Variants in UBN2 observed in about 807,000 individuals in gnomAD.
UBN2 encodes ubinuclein-2.
Under a neutral mutation model 120.2 loss-of-function variants are expected in UBN2, and 35 were observed. The observed-to-expected ratio is 0.29, with a 90% confidence interval of 0.22 to 0.39. The LOEUF is 0.39. Among genes scored for constraint, UBN2 ranks in the 10% least tolerant of loss-of-function variants. The pLI is 1.00. For synonymous variants in UBN2, 661 were observed against 648.7 expected (o/e 1.02, Z -0.29); for missense variants, 1,693 against 1,663.2 (o/e 1.02, Z -0.31).
chr7:139,233,653 A>T (rs1212781953), intron 1 of UBN2, among the ~76,000 whole-genome samples: 2 of 152,182 alleles, frequency 1.3e-5, no homozygotes, highest in African/African-American at 4.8e-5. Context: ...ATTAACTCAT[A>T]TAGTTTAGAG....
At chr7:139,295,551 G>T (rs1798086140) in intron 17 of UBN2, among the ~76,000 whole-genome samples, 1 of 152,184 alleles carries the variant, frequency 6.6e-6, no homozygotes, top group African/African-American at 2.4e-5. Context: ...AAATTTATCT[G>T]TGCAGCACTG....
At chr7:139,259,167 A>G (rs1796854161) in intron 4 of UBN2, 100 bp from the exon 5 acceptor site, 1 of 1,510,450 alleles carries the variant, frequency 6.6e-7, no homozygotes. Context: ...TGTAATGCAC[A>G]CTGACATTTG....
At chr7:139,272,494 TTATG>T (rs142378700) in intron 9 of UBN2, 54 bp downstream of exon 9, 34,537 of 1,100,508 alleles carry the variant, frequency 0.031, 975 homozygotes, top group African/African-American at 0.11. Context: ...TGTATGTACG[TTATG>T]TATGTATGTA....
chr7:139,232,950 A>G (rs549474383), intron 1 of UBN2, among the ~76,000 whole-genome samples: 1 of 152,210 alleles, frequency 6.6e-6, no homozygotes, highest in Non-Finnish European at 1.5e-5. Flanking sequence ...AACAGTAAGG[A>G]AAGAGAACAG....
intron 5 of UBN2, among the ~76,000 whole-genome samples, chr7:139,259,628 T>A (rs998553356): frequency 7.2e-5 from 11 of 152,232 alleles, no homozygotes; most frequent in Admixed American, 7.2e-4. Context: ...TGAAAAGATA[T>A]TATAAACATT....
intron 6 of UBN2, among the ~76,000 whole-genome samples, chr7:139,265,011 T>G (rs1797053624): frequency 6.6e-6 from 1 of 152,214 alleles, no homozygotes; most frequent in Non-Finnish European, 1.5e-5. Context: ...TTTATCTTTA[T>G]ACCAGGAACA....
At chr7:139,250,597 A>G (rs1431186698) in intron 2 of UBN2, among the ~76,000 whole-genome samples, 3 of 152,104 alleles carry the variant, frequency 2.0e-5, no homozygotes, top group East Asian at 3.9e-4. Context: ...TTGCAAATAT[A>G]CTACAGAGAA....
downstream of UBN2, among the ~76,000 whole-genome samples, chr7:139,311,542 G>A (rs1798446988): frequency 1.3e-5 from 2 of 152,188 alleles, no homozygotes; most frequent in South Asian, 4.1e-4. Flanking sequence ...ACCCCAGGCG[G>A]GTGTATTGGT....
chr7:139,259,177 G>A (rs1014197840), intron 4 of UBN2, 90 bp from the exon 5 acceptor site: 1 of 1,530,326 alleles, frequency 6.5e-7, no homozygotes, highest in African/African-American at 1.4e-5. Context: ...ACTGACATTT[G>A]AGAAAAACCA....
the UBN2 span, among the ~76,000 whole-genome samples, chr7:139,324,555 C>CAAAA: frequency 0.025 from 1,731 of 68,682 alleles, 53 homozygotes; most frequent in Middle Eastern, 0.04. Context: ...GACTCCATCT[C>CAAAA]AAAAAAAAAA....
At position 139,300,834 on chromosome 7, in the gene UBN2, T is replaced by C. The variant is rs1349776139; in HGVS notation, c.*2998T>C. On this transcript the variant is annotated 3_prime_UTR_variant, in exon 18 of 18. Transcript: ENST00000473989. ...GGGTTGTCCTCGGAGATAGCTGTGC[T>C]GAGCCTCAGTTGGAGACTGGGAGCA... is the stretch of plus-strand genomic sequence containing the variant. 1.3e-5 allele frequency: 2 copies of C among 152,238 alleles called. No individual in the cohort carries two copies. The highest frequency in any genetic ancestry group is 2.9e-5 in the Non-Finnish European group (2 of 68,040). 9.4% of individuals were successfully genotyped at this position (152,238 alleles called of 1,614,324 possible). A position where few individuals can be genotyped will look rare whatever the true frequency, so the allele number is the denominator to read the frequency against.
At chr7:139,323,564 T>G in the UBN2 span, among the ~76,000 whole-genome samples, 28 of 87,108 alleles carry the variant, frequency 3.2e-4, no homozygotes, top group South Asian at 1.2e-3. Flanking sequence ...TGATTATTAT[T>G]ATTATTATTA....
Position 139,261,702 on chromosome 7 carries a change from A to G in UBN2, c.1356A>G (p.Leu452=), listed in dbSNP as rs1260307884. The change falls in exon 6 of 18, where the codon CTA becomes CTG. Residue 452 remains leucine, a synonymous_variant. Coordinates refer to ENST00000473989, the MANE Select transcript of UBN2 (RefSeq NM_173569.4). ...PKVVPTLPEG[L]PVLLEKRIED... ...TGGTACCTACACTCCCAGAGGGTCT[A>G]CCTGTACTTCTTGAAAAACGTATCG... 2.5e-6 allele frequency: 4 copies of G among 1,613,204 alleles called. No homozygotes were observed. Among genetic ancestry groups the G allele is most frequent in the East Asian group, 2.2e-5 (1 of 44,876 alleles).
rs1798026637 is a variant in UBN2, at chr7:139,293,599, A to T, written c.3901+136A>T. 7 of 759,220 alleles carry T rather than the reference A, an allele frequency of 9.2e-6. No homozygotes were observed. In the Admixed American group the frequency reaches 2.1e-4, roughly 23 times the overall value. 47.0% of individuals were successfully genotyped at this position (759,220 alleles called of 1,614,324 possible). On this transcript the variant is annotated intron_variant, in intron 16 of 17. Transcript: ENST00000473989. ...TTTTTTTTTTTTTTTTAAGAAATGC[A>T]GTTTATATATAGTAAGTCAAATTAT...
chr7:139,320,651 C>A, the UBN2 span, among the ~76,000 whole-genome samples: 50 of 151,762 alleles, frequency 3.3e-4, no homozygotes, highest in Non-Finnish European at 6.3e-4. Flanking sequence ...TGCGGTCAGA[C>A]GTTCAAGACC....
In UBN2 at chr7:139,283,846, C is replaced by T. The variant is rs751792711; in HGVS notation, c.2941C>T (p.Arg981Cys). 1.4e-5 allele frequency: 23 copies of T among 1,613,976 alleles called. No individual in the cohort carries two copies. The highest frequency in any genetic ancestry group is 3.3e-5 in the Admixed American group (2 of 59,980). ...GACTTCAGATAAGCCACTTATGTAC[C>T]GCCTTCCCTTATCTACCCCCTCACC... is the stretch of plus-strand genomic sequence containing the variant. ...IKTSDKPLMY[R>C]LPLSTPSPGN... is the part of the protein sequence containing the mutation. Residue 981 changes from arginine (R) to cysteine (C), a missense_variant, in exon 15 of 18, where the codon CGC becomes TGC. By Grantham distance (180) the Arg-to-Cys change is radical. Coordinates refer to ENST00000473989, the MANE Select transcript of UBN2 (RefSeq NM_173569.4).
chr7:139,279,400 T>C (rs1325732885), intron 13 of UBN2, 40 bp downstream of exon 13: 2 of 1,489,716 alleles, frequency 1.3e-6, no homozygotes, highest in Admixed American at 3.7e-5. Context: ...TTATAGTTGG[T>C]GAATGTTGAA....
intron 13 of UBN2, among the ~76,000 whole-genome samples, chr7:139,281,221 T>C (rs1230560906): frequency 6.6e-6 from 1 of 152,148 alleles, no homozygotes; most frequent in Non-Finnish European, 1.5e-5. Context: ...TTTTGTATGT[T>C]TCCTTCTCTA....
At chr7:139,248,437 C>G (rs990135680) in intron 2 of UBN2, among the ~76,000 whole-genome samples, 2 of 152,064 alleles carry the variant, frequency 1.3e-5, no homozygotes, top group Non-Finnish European at 2.9e-5. Flanking sequence ...AATTTAAAAT[C>G]TTTTCAAAAT....
Sources: allele counts gnomAD v4.1 joint callset (sites outside exome capture counted in the v4.1 genomes callset), GRCh38; gene constraint gnomAD v4.1.1; transcripts MANE v1.5; gene names NCBI Gene and HGNC (gene_info 2026-07-23, HGNC 2026-07-21).